The following EDNRA variants were observed in gnomAD, a reference collection of about 807,000 sequenced individuals.
The protein encoded by EDNRA is endothelin-1 receptor.
In EDNRA, 11 loss-of-function variants were observed where a neutral mutation model predicts 41.4. That is an observed-to-expected ratio of 0.27 (90% CI 0.17 to 0.44). EDNRA has a LOEUF of 0.44. EDNRA is among the 20% of genes least tolerant of loss of function. EDNRA has a pLI of 1.00. For synonymous variants in EDNRA, 172 were observed against 183.0 expected (o/e 0.94, Z 0.49); for missense variants, 294 against 531.0 (o/e 0.55, Z 4.39).
chr4:147,528,357 C>CTTTTTTTT (rs755450847), intron 3 of EDNRA, among the ~76,000 whole-genome samples: 2 of 119,468 alleles, frequency 1.7e-5, no homozygotes, highest in Non-Finnish European at 3.4e-5. Flanking sequence ...TTCTTGCTTT[C>CTTTTTTTT]TTTTTTTTTT....
At chr4:147,525,040 C>T (rs1730486056) in intron 3 of EDNRA, among the ~76,000 whole-genome samples, 1 of 152,156 alleles carries the variant, frequency 6.6e-6, no homozygotes, top group Non-Finnish European at 1.5e-5. Context: ...CAAAGAGTTC[C>T]CATGATTTTT....
intron 3 of EDNRA, among the ~76,000 whole-genome samples, chr4:147,528,556 T>C (rs1264088662): frequency 1.3e-5 from 2 of 152,060 alleles, no homozygotes; most frequent in Non-Finnish European, 2.9e-5. Context: ...TTCACCATGT[T>C]GCCCAGGGTG....
chr4:147,539,620 C>A (rs1462413689), intron 5 of EDNRA, among the ~76,000 whole-genome samples, 197 bp from the exon 6 acceptor site: 4 of 152,072 alleles, frequency 2.6e-5, no homozygotes, highest in Non-Finnish European at 5.9e-5. Flanking sequence ...TGCCCAGAAG[C>A]ATCATTAGCA....
intron 4 of EDNRA, among the ~76,000 whole-genome samples, chr4:147,533,722 T>A (rs1400556): frequency 0.36 from 54,881 of 152,040 alleles, 12,393 homozygotes; most frequent in African/African-American, 0.64. Flanking sequence ...GAATTTGGGC[T>A]GTGTGAATAA....
chr4:147,543,429 A>G lies in EDNRA; in HGVS notation c.*811A>G, dbSNP rs1731182825. The G allele has an allele frequency of 6.6e-6, 1 of 152,212 alleles. No individual in the cohort carries two copies. Among genetic ancestry groups the G allele is most frequent in the Non-Finnish European group, 1.5e-5 (1 of 68,036 alleles). The allele number at this position is 152,212 out of a possible 1,614,324, so 9.4% of individuals were successfully genotyped here. A position where few individuals can be genotyped will look rare whatever the true frequency, so the allele number is the denominator to read the frequency against. ...GTTTTGTATGTTAAATTCAAAAGTA[A>G]TGCTTCAATCAGATAGTTCTTTTTC... On this transcript the variant is annotated 3_prime_UTR_variant, in exon 8 of 8. Transcript: ENST00000651419.
rs553754324 is a variant in EDNRA, at chr4:147,536,237, G to A, written c.900+208G>A. On this transcript the variant is annotated intron_variant, in intron 5 of 7. Transcript: ENST00000651419. The stretch of plus-strand genomic sequence containing the variant: ...TAAAACAAGTGGTCCTGAAGGCTGG[G>A]CCCAAATAGAGAAGAACTATCCCTC... Among the ~76,000 whole-genome samples, 7 of 152,180 alleles carry A rather than the reference G, an allele frequency of 4.6e-5. No individual in the cohort carries two copies. The South Asian group carries it at 1.5e-3, about 32-fold the overall frequency.
chr4:147,532,690 T>C lies in EDNRA; in HGVS notation c.733T>C (p.Ser245Pro), dbSNP rs983062132. The C allele has an allele frequency of 1.9e-6, 3 of 1,614,098 alleles. No individual in the cohort carries two copies. The highest frequency in any genetic ancestry group is 2.5e-6 in the Non-Finnish European group (3 of 1,180,004). ...QHKTCMLNAT[S>P]KFMEFYQDVK... ...TAAAACCTGTATGCTCAATGCCACA[T>C]CAAAATTCATGGAGGTACTAAACGT... The change falls in exon 4 of 8, where the codon TCA (serine) becomes CCA (proline). Residue 245 changes from serine to proline, a missense_variant. Physicochemically the swap from Ser to Pro is moderately conservative, Grantham distance 74 (BLOSUM62 -1). This residue lies in a region of EDNRA where 185 missense variants were observed against 390.8 expected (regional missense o/e 0.47). Coordinates refer to ENST00000651419, the MANE Select transcript of EDNRA (RefSeq NM_001957.4).
chr4:147,514,899 G>C (rs1390565211), intron 2 of EDNRA, among the ~76,000 whole-genome samples: 1 of 152,162 alleles, frequency 6.6e-6, no homozygotes, highest in Non-Finnish European at 1.5e-5. Flanking sequence ...AAGTATGGTT[G>C]GTGAGCCAGC....
chr4:147,485,421 G>C (rs78921375), intron 1 of EDNRA, among the ~76,000 whole-genome samples, 191 bp from the exon 2 acceptor site: 1 of 152,288 alleles, frequency 6.6e-6, no homozygotes, highest in East Asian at 1.9e-4. Context: ...ACATAGAGGA[G>C]ATAGAGCTTG....
intron 1 of EDNRA, among the ~76,000 whole-genome samples, chr4:147,482,939 T>TTC (rs113538898): frequency 7.2e-5 from 11 of 152,282 alleles, no homozygotes; most frequent in African/African-American, 2.6e-4. Context: ...TGCAAAGGCC[T>TTC]TCTCTCTCTC....
intron 7 of EDNRA, among the ~76,000 whole-genome samples, chr4:147,541,806 T>C (rs1276648126): frequency 6.6e-6 from 1 of 152,192 alleles, no homozygotes; most frequent in Non-Finnish European, 1.5e-5. Flanking sequence ...TTGACTAACA[T>C]GCAGGTTAAA....
At chr4:147,541,328 C>T (rs912280686) in intron 7 of EDNRA, among the ~76,000 whole-genome samples, 2 of 152,094 alleles carry the variant, frequency 1.3e-5, no homozygotes, top group African/African-American at 2.4e-5. Flanking sequence ...AGGCTTAATC[C>T]TCACTGGATT....
At chr4:147,536,431 A>G (rs569612508) in intron 5 of EDNRA, among the ~76,000 whole-genome samples, 4 of 152,222 alleles carry the variant, frequency 2.6e-5, no homozygotes, top group Non-Finnish European at 5.9e-5. Context: ...ATAGAACCAC[A>G]GGTGTGGTAA....
chr4:147,515,509 T>G (rs1204217460), intron 2 of EDNRA, among the ~76,000 whole-genome samples: 3 of 152,078 alleles, frequency 2.0e-5, no homozygotes, highest in African/African-American at 4.8e-5. Context: ...CTGGAGAGTC[T>G]CTATTAATGA....
rs796633189 is a variant in EDNRA at position 147,544,124 on chromosome 4, GC to G, written c.*1510del. ...GGATTTAATCTAATCTAATAATTGT[GC>G]CCCGCAGTTGTGCCAAAGTGCATAG... On this transcript the variant is annotated 3_prime_UTR_variant, in exon 8 of 8. Transcript: ENST00000651419. 12 of 152,662 alleles carry G rather than the reference GC, an allele frequency of 7.9e-5. No individual in the cohort carries two copies. Among genetic ancestry groups the G allele is most frequent in the African/African-American group, 2.4e-4 (10 of 41,526 alleles). The allele number at this position is 152,662 out of a possible 1,614,324, so 9.5% of individuals were successfully genotyped here. A position where few individuals can be genotyped will look rare whatever the true frequency, so the allele number is the denominator to read the frequency against.
At chr4:147,535,264 G>T (rs1227762887) in intron 4 of EDNRA, among the ~76,000 whole-genome samples, 1 of 152,176 alleles carries the variant, frequency 6.6e-6, no homozygotes, top group Admixed American at 6.5e-5. Flanking sequence ...GAGATATGCT[G>T]CCTCAATAGT....
At chr4:147,502,977 T>C (rs1729565802) in intron 2 of EDNRA, among the ~76,000 whole-genome samples, 1 of 152,218 alleles carries the variant, frequency 6.6e-6, no homozygotes, top group African/African-American at 2.4e-5. Flanking sequence ...ATTTTGTACC[T>C]AAATTCGTAG....
chr4:147,492,749 A>G (rs1729181543), intron 2 of EDNRA: 1 of 151,908 alleles, frequency 6.6e-6, no homozygotes, highest in Admixed American at 6.6e-5. Context: ...ACATTATGCT[A>G]ACTAGCTAGC....
intron 2 of EDNRA, among the ~76,000 whole-genome samples, chr4:147,518,688 T>C (rs943359695): frequency 9.2e-5 from 14 of 151,884 alleles, no homozygotes; most frequent in African/African-American, 2.9e-4. Flanking sequence ...CATCATCTTT[T>C]GGAAATAGTA....
Sources: gnomAD v4.1 joint callset for allele counts (sites outside exome capture counted in the v4.1 genomes callset) on GRCh38, gnomAD v4.1.1 for gene constraint, gnomAD v4.1.1 regional missense constraint, MANE v1.5 for transcripts, NCBI Gene and HGNC (gene_info 2026-07-23, HGNC 2026-07-21) for gene names.